Variants in KIF5C observed in about 807,000 individuals in gnomAD.
The protein encoded by KIF5C is kinesin family member 5C.
In KIF5C, 18 loss-of-function variants were observed where a neutral mutation model predicts 125.2. The observed-to-expected ratio is 0.14, with a 90% CI of 0.10 to 0.21. The LOEUF (loss-of-function observed/expected upper bound fraction) is 0.21. Among genes scored for constraint, KIF5C ranks in the 10% least tolerant of loss-of-function variants. The pLI is 1.00. For missense variants in KIF5C, 780 were observed against 1,183.8 expected (o/e 0.66, Z 5.01); for synonymous variants, 405 against 434.0 (o/e 0.93, Z 0.83).
chr2:149,018,471 G>C (rs1193820700), intron 25 of KIF5C, among the ~76,000 whole-genome samples: 1 of 152,160 alleles, frequency 6.6e-6, no homozygotes, highest in Non-Finnish European at 1.5e-5. Flanking sequence ...CCTGGGCTAA[G>C]AGCGATGATC....
intron 1 of KIF5C, among the ~76,000 whole-genome samples, chr2:148,897,879 A>C (rs966955450): frequency 7.8e-6 from 1 of 127,492 alleles, no homozygotes; most frequent in East Asian, 2.7e-4. Flanking sequence ...AGATCATGCC[A>C]CTGTACTCCA....
At chr2:148,978,862 G>A in intron 12 of KIF5C, 60 bp from the exon 13 acceptor site, 1 of 1,531,354 alleles carries the variant, frequency 6.5e-7, no homozygotes, top group African/African-American at 1.4e-5. Flanking sequence ...GTCACTGGGA[G>A]ACTGGGATAT....
intron 1 of KIF5C, 125 bp downstream of exon 1, chr2:148,875,868 G>A (rs1262228553): frequency 1.7e-5 from 24 of 1,377,272 alleles, no homozygotes; most frequent in Admixed American, 2.6e-5. Flanking sequence ...GGCCTCTCGG[G>A]TGGACCTGAC....
chr2:148,931,138 A>G (rs1682175196), intron 3 of KIF5C, among the ~76,000 whole-genome samples: 1 of 151,906 alleles, frequency 6.6e-6, no homozygotes, highest in African/African-American at 2.4e-5. Flanking sequence ...ACCAAACTAT[A>G]TATAATGCCA....
intron 1 of KIF5C, among the ~76,000 whole-genome samples, chr2:148,896,856 A>C (rs1379707595): frequency 1.3e-5 from 2 of 151,490 alleles, no homozygotes; most frequent in African/African-American, 4.9e-5. Context: ...TTTCTGATGG[A>C]GTCTCACTCT....
intron 7 of KIF5C, among the ~76,000 whole-genome samples, chr2:148,945,986 A>G (rs1044389053): frequency 2.0e-5 from 3 of 152,206 alleles, no homozygotes; most frequent in Middle Eastern, 6.8e-3. Flanking sequence ...TCTTTCAGTC[A>G]TGTTTTGTAG....
rs1480462030 is a variant in KIF5C, at chr2:149,010,206, G to A, written c.2622G>A (p.Glu874=). 3.2e-6 allele frequency: 5 copies of A among 1,559,384 alleles called. No homozygotes were observed. Among genetic ancestry groups the A allele is most frequent in the African/African-American group, 1.4e-5 (1 of 73,306 alleles). Residue 874 remains glutamate, a synonymous_variant, in exon 24 of 26, where the codon GAG becomes GAA. Coordinates refer to ENST00000435030, the MANE Select transcript of KIF5C (RefSeq NM_004522.3). ...AGAAGCGGCTGCGTGCCACGGCGGA[G>A]CGCGTCAAGGCTCTGGAGAGCGCGC... ...KLEKRLRATA[E]RVKALESALK...
intron 14 of KIF5C, 108 bp downstream of exon 14, chr2:148,981,669 AT>A: frequency 6.9e-7 from 1 of 1,449,282 alleles, no homozygotes; most frequent in Non-Finnish European, 9.1e-7. Context: ...CTGAATAGTT[AT>A]TCAGTGTTAG....
intron 6 of KIF5C, 112 bp from the exon 7 acceptor site, chr2:148,942,561 C>A (rs1682432588): frequency 2.0e-6 from 3 of 1,495,686 alleles, no homozygotes; most frequent in African/African-American, 1.4e-5. Context: ...GATATTTCAG[C>A]CTTTCTATTT....
At chr2:148,999,510 G>C (rs1311388915) in intron 19 of KIF5C, among the ~76,000 whole-genome samples, 2 of 152,204 alleles carry the variant, frequency 1.3e-5, no homozygotes, top group African/African-American at 4.8e-5. Context: ...TGTGACCCAG[G>C]CTCGGTGCCC....
chr2:148,925,550 G>A (rs185415257), intron 2 of KIF5C, among the ~76,000 whole-genome samples: 23 of 152,346 alleles, frequency 1.5e-4, no homozygotes, highest in African/African-American at 5.0e-4. Flanking sequence ...GCTCAGAGAA[G>A]TGAAGTAACT....
intron 12 of KIF5C, among the ~76,000 whole-genome samples, chr2:148,978,449 G>T (rs1005823962): frequency 6.9e-6 from 1 of 145,308 alleles, no homozygotes; most frequent in African/African-American, 2.5e-5. Context: ...TGAGAGGTTT[G>T]AAGTGGAAAC....
chr2:148,887,809 C>T (rs1390904254), intron 1 of KIF5C, among the ~76,000 whole-genome samples: 2 of 152,122 alleles, frequency 1.3e-5, no homozygotes, highest in Non-Finnish European at 2.9e-5. Context: ...CCTACGCCCC[C>T]TTCCCGCCCT....
At chr2:148,946,850 C>A (rs1682531092) in intron 7 of KIF5C, 49 bp from the exon 8 acceptor site, 1 of 1,599,578 alleles carries the variant, frequency 6.3e-7, no homozygotes, top group Non-Finnish European at 8.5e-7. Context: ...AGGATTGCTA[C>A]CTAAACCTAC....
At chr2:148,974,764 T>G (rs991676459) in intron 12 of KIF5C, among the ~76,000 whole-genome samples, 1 of 152,228 alleles carries the variant, frequency 6.6e-6, no homozygotes. Context: ...GCATTTTTTT[T>G]CCTCATTTTA....
intron 1 of KIF5C, among the ~76,000 whole-genome samples, chr2:148,905,326 G>A (rs560697960): frequency 2.0e-5 from 3 of 152,218 alleles, no homozygotes; most frequent in Admixed American, 6.5e-5. Flanking sequence ...TGCTAGGGAA[G>A]GCCAATATTT....
At chr2:149,002,262 G>C (rs60736013) in intron 21 of KIF5C, among the ~76,000 whole-genome samples, 1 of 152,032 alleles carries the variant, frequency 6.6e-6, no homozygotes, top group African/African-American at 2.4e-5. Context: ...CTTTATATCC[G>C]TGAGCTCTCA....
intron 1 of KIF5C, among the ~76,000 whole-genome samples, chr2:148,884,820 A>C (rs913731543): frequency 6.6e-6 from 1 of 152,208 alleles, no homozygotes; most frequent in Non-Finnish European, 1.5e-5. Context: ...AGAAATGCTC[A>C]TACATGTTGA....
rs952670613 is a variant in KIF5C, at chr2:148,924,985, A to C, written c.217+2758A>C. On this transcript the variant is annotated intron_variant, in intron 2 of 25. Transcript: ENST00000435030. This position sits in a 1 kb window ranked among gnomAD's most constrained non-coding sequence, Gnocchi z 4.0. ...GAGCTTTGAGTACAGGGAAAGAGAC[A>C]GATGTGTACATAATCATCACACACA... Among the ~76,000 whole-genome samples, 1 of 152,218 alleles carries C rather than the reference A, an allele frequency of 6.6e-6. No homozygotes were observed. The highest frequency in any genetic ancestry group is 2.4e-5 in the African/African-American group (1 of 41,444).
Sources: allele counts gnomAD v4.1 joint callset (sites outside exome capture counted in the v4.1 genomes callset), GRCh38; gene constraint gnomAD v4.1.1; non-coding constraint Gnocchi (gnomAD v3.1); transcripts MANE v1.5; gene names NCBI Gene and HGNC (gene_info 2026-07-23, HGNC 2026-07-21).